CFAP74: variants seen among roughly 807,000 people sequenced by gnomAD.
CFAP74 encodes the protein cilia- and flagella-associated protein 74.
In CFAP74, 124 loss-of-function variants were observed where a neutral mutation model predicts 188.9. The observed-to-expected ratio is 0.66, with a 90% CI of 0.57 to 0.76. CFAP74 has a LOEUF of 0.76. Among genes scored for constraint, CFAP74 ranks in the 30% least tolerant of loss-of-function variants. The probability of loss-of-function intolerance (pLI) is 0.00; values close to 1 mark genes in which losing one functional copy is unlikely to be tolerated. For missense variants in CFAP74, 2,198 were observed against 2,165.2 expected (o/e 1.02, Z -0.30); for synonymous variants, 956 against 916.7 (o/e 1.04, Z -0.77).
At chr1:1,959,940 A>G (rs780611222) in intron 15 of CFAP74, 24 bp downstream of exon 15, 1 of 1,562,258 alleles carries the variant, frequency 6.4e-7, no homozygotes, top group Non-Finnish European at 8.6e-7. Flanking sequence ...CCCCTTCGAG[A>G]GAGAACGGGC....
chr1:1,968,635 C>T lies in CFAP74; in HGVS notation c.1245G>A (p.Leu415=). The T allele has an allele frequency of 6.2e-7, 1 of 1,612,368 alleles. No homozygotes were observed. The highest frequency in any genetic ancestry group is 2.2e-5 in the East Asian group (1 of 44,802). ...KTTVPTNTYT[L]DYEAAAGPGP... is the part of the protein sequence containing the mutation. Reference sequence around the variant, plus strand: ...GTCTACAGGAAGGCGTTTTGCTCACCAGTGTGTACGTGTTGGTTGGGACTG... The same window carrying T: ...GTCTACAGGAAGGCGTTTTGCTCACTAGTGTGTACGTGTTGGTTGGGACTG... Residue 415 remains leucine (L), a splice_region_variant and synonymous_variant, in exon 11 of 39, where the codon CTG becomes CTA. Transcript: ENST00000682832. The surrounding 1 kb of genome is among the most constrained non-coding windows in gnomAD (Gnocchi z 4.3).
intron 1 of CFAP74, among the ~76,000 whole-genome samples, chr1:1,993,776 A>T (rs141806207): frequency 0.13 from 18,090 of 134,426 alleles, no homozygotes; most frequent in South Asian, 0.14. Flanking sequence ...AGGTCAGGAG[A>T]TCGAGACCAT....
At chr1:1,937,538 G>A (rs1652982226) in intron 25 of CFAP74, among the ~76,000 whole-genome samples, 5 of 152,162 alleles carry the variant, frequency 3.3e-5, no homozygotes, top group Admixed American at 2.0e-4. Context: ...AACGAGGCTG[G>A]AATAATTGGA....
chr1:1,946,029 C>T (rs1004142532), intron 20 of CFAP74, among the ~76,000 whole-genome samples: 3 of 140,544 alleles, frequency 2.1e-5, no homozygotes, highest in African/African-American at 8.1e-5. Context: ...TGCGTGTGTA[C>T]GTGTGTGTGG....
chr1:1,958,032 C>T (rs1473438910), intron 16 of CFAP74, among the ~76,000 whole-genome samples: 1 of 152,246 alleles, frequency 6.6e-6, no homozygotes, highest in East Asian at 1.9e-4. Flanking sequence ...CACTGGTGAG[C>T]CTATGAAGAA....
At position 1,963,715 on chromosome 1, in the gene CFAP74, A is replaced by G. The variant is rs770673298; in HGVS notation, c.1694+34T>C. The G allele has an allele frequency of 4.3e-6, 6 of 1,398,108 alleles. No individual in the cohort carries two copies. In the Admixed American group the frequency reaches 8.6e-5, roughly 20 times the overall value. 86.6% of individuals were successfully genotyped at this position (1,398,108 alleles called of 1,614,324 possible). On this transcript the variant is annotated intron_variant, in intron 14 of 38. Coordinates refer to ENST00000682832, the MANE Select transcript of CFAP74 (RefSeq NM_001304360.2). ...CCTATGAACCTCCTGCTGTCCCTGCACCGCGTCCCTCCCTGTCTGAGCCGT... is the reference window on the plus strand; with the variant it reads ...CCTATGAACCTCCTGCTGTCCCTGCGCCGCGTCCCTCCCTGTCTGAGCCGT...
chr1:1,991,016 A>G, intron 1 of CFAP74, 41 bp from the exon 2 acceptor site: 1 of 1,334,450 alleles, frequency 7.5e-7, no homozygotes, highest in South Asian at 1.3e-5. Context: ...ATAAAATCAT[A>G]GATTTAAAAG....
At chr1:1,938,026 TCA>T (rs1653025221) in intron 25 of CFAP74, among the ~76,000 whole-genome samples, 2 of 149,254 alleles carry the variant, frequency 1.3e-5, no homozygotes, top group Non-Finnish European at 3.0e-5. Context: ...TCACATTCAG[TCA>T]CATGCTCACA....
Position 1,980,850 on chromosome 1 carries a change from C to CTCAGAAACCGAGACCA in CFAP74, c.500+4520_500+4535dup, listed in dbSNP as rs140674954. Among the ~76,000 whole-genome samples, 1,501 of 152,322 alleles carry CTCAGAAACCGAGACCA rather than the reference C, an allele frequency of 9.9e-3. 30 individuals carry two copies. Among genetic ancestry groups the CTCAGAAACCGAGACCA allele is most frequent in the Middle Eastern group, 0.034 (10 of 294 alleles). On this transcript the variant is annotated intron_variant, in intron 6 of 38. Transcript: ENST00000682832. ...ACCACGACCCTCAGAAACCGAGACCCTCAGAAACCGAGACCATCACGCCTG... is the reference window on the plus strand; with the variant it reads ...ACCACGACCCTCAGAAACCGAGACCCTCAGAAACCGAGACCATCAGAAACCGAGACCATCACGCCTG...
rs367731790 is a variant in CFAP74 at position 1,923,010 on chromosome 1, C to G, written c.4658G>C (p.Arg1553Pro). 1.0e-5 allele frequency: 16 copies of G among 1,592,204 alleles called. No individual in the cohort carries two copies. The Admixed American group carries it at 2.6e-4, about 26-fold the overall frequency. The change falls in exon 37 of 39, where the codon CGG (arginine) becomes CCG (proline). Residue 1553 changes from arginine to proline, a missense_variant. Physicochemically the swap from Arg to Pro is moderately radical, Grantham distance 103 (BLOSUM62 -2). Coordinates refer to ENST00000682832, the MANE Select transcript of CFAP74 (RefSeq NM_001304360.2). The surrounding 1 kb of genome is among the most constrained non-coding windows in gnomAD (Gnocchi z 6.3). ...ATRELQVGCI[R>P]TTQPSPKKTV... Reference sequence around the variant, plus strand: ...CTTCTTTGGAGATGGCTGGGTGGTCCGGATACAGCCCACCTGCAGCTCTCG... The same window carrying G: ...CTTCTTTGGAGATGGCTGGGTGGTCGGGATACAGCCCACCTGCAGCTCTCG...
intron 1 of CFAP74, among the ~76,000 whole-genome samples, chr1:1,993,719 A>C (rs1212925230): frequency 6.6e-6 from 1 of 152,164 alleles, no homozygotes; most frequent in Non-Finnish European, 1.5e-5. Context: ...ACAGTGGCTC[A>C]CGCCTGCAAT....
Position 1,922,041 on chromosome 1 carries a change from T to C in CFAP74, c.*246A>G, listed in dbSNP as rs1269827396. The C allele has an allele frequency of 7.7e-6, 4 of 520,564 alleles. No individual in the cohort carries two copies. The highest frequency in any genetic ancestry group is 5.9e-5 in the African/African-American group (3 of 50,788). The allele number at this position is 520,564 out of a possible 1,614,324, so 32.2% of individuals were successfully genotyped here. Reference sequence around the variant, plus strand: ...TCTGAGGGGGTCTGGCTAGGATGGCTGAGGGCTGGCCTGGCCTTCTCGCTG... The same window carrying C: ...TCTGAGGGGGTCTGGCTAGGATGGCCGAGGGCTGGCCTGGCCTTCTCGCTG... On this transcript the variant is annotated 3_prime_UTR_variant, in exon 39 of 39. Coordinates refer to ENST00000682832, the MANE Select transcript of CFAP74 (RefSeq NM_001304360.2).
intron 6 of CFAP74, among the ~76,000 whole-genome samples, chr1:1,981,928 G>A (rs1347324139): frequency 3.6e-5 from 2 of 55,830 alleles, no homozygotes; most frequent in Admixed American, 1.8e-4. Context: ...ACACACAGCC[G>A]CGGACAGACA....
chr1:1,969,498 C>T (rs77481863), intron 10 of CFAP74, among the ~76,000 whole-genome samples: 24 of 149,208 alleles, frequency 1.6e-4, no homozygotes, highest in Admixed American at 4.0e-4. Flanking sequence ...CTGCCCACTT[C>T]GCAGCCCAGT....
chr1:1,941,135 G>GAAAGAAAGAAAGAAAGGAAAGAAAGAAAT (rs1558005803), intron 22 of CFAP74, among the ~76,000 whole-genome samples: 1 of 151,678 alleles, frequency 6.6e-6, no homozygotes, highest in African/African-American at 2.4e-5. Flanking sequence ...AAGAAAGAAA[G>GAAAGAAAGAAAGAAAGGAAAGAAAGAAAT]AAATATCAGG....
rs200779692 is a variant in CFAP74 at position 1,987,006 on chromosome 1, C to T, written c.326G>A (p.Arg109Gln). ...CTCCTGCTGCTTGTCGATCAGGTCCCGCCTCTGCCGACAGGCGCGCAGCTC... is the reference window on the plus strand; with the variant it reads ...CTCCTGCTGCTTGTCGATCAGGTCCTGCCTCTGCCGACAGGCGCGCAGCTC... ...RGELRACRQR[R>Q]DLIDKQQEAV... The change falls in exon 5 of 39, where the codon CGG (arginine) becomes CAG (glutamine). Residue 109 changes from arginine (R) to glutamine (Q), a missense_variant. By Grantham distance (43) the Arg-to-Gln change is conservative. Transcript: ENST00000682832. 1.8e-4 allele frequency: 294 copies of T among 1,600,954 alleles called. No individual in the cohort carries two copies. The highest frequency in any genetic ancestry group is 4.9e-4 in the Middle Eastern group (3 of 6,070).
At chr1:1,974,283 TC>T in intron 6 of CFAP74, 85 bp from the exon 7 acceptor site, 1 of 1,383,796 alleles carries the variant, frequency 7.2e-7, no homozygotes, top group Non-Finnish European at 9.9e-7. Context: ...TGACAAATCC[TC>T]CAGGCAGATG....
intron 20 of CFAP74, 28 bp downstream of exon 20, chr1:1,946,289 T>C (rs1035210808): frequency 5.9e-6 from 9 of 1,523,690 alleles, no homozygotes; most frequent in Admixed American, 4.0e-5. Flanking sequence ...CCAGGGTGTG[T>C]GCGTGGCGTG....
chr1:1,922,891 C>A, intron 37 of CFAP74, 94 bp downstream of exon 37: 1 of 1,497,632 alleles, frequency 6.7e-7, no homozygotes, highest in East Asian at 2.3e-5. Flanking sequence ...CAGGACAAGC[C>A]CAGTGAGGGG....
Sources: gnomAD v4.1 joint callset for allele counts (sites outside exome capture counted in the v4.1 genomes callset) on GRCh38, gnomAD v4.1.1 for gene constraint, Gnocchi (gnomAD v3.1) non-coding constraint, MANE v1.5 for transcripts, NCBI Gene and HGNC (gene_info 2026-07-23, HGNC 2026-07-21) for gene names.